SEC23A: variants seen among roughly 807,000 people sequenced by gnomAD.
SEC23A encodes SEC23 homolog A, COPII component.
Under a neutral mutation model 103.7 loss-of-function variants are expected in SEC23A, and 56 were observed. The ratio of observed to expected loss-of-function variants is 0.54; its 90% CI spans 0.44 to 0.67. The LOEUF (loss-of-function observed/expected upper bound fraction) is 0.67, where lower values mean the gene tolerates loss of function less well. Among genes scored for constraint, SEC23A ranks in the 30% least tolerant of loss-of-function variants. The probability of loss-of-function intolerance (pLI) is 0.00; values close to 1 mark genes in which losing one functional copy is unlikely to be tolerated. For missense variants in SEC23A, 784 were observed against 936.4 expected, an observed-to-expected ratio of 0.84 and a Z score of 2.12; for synonymous variants, 281 against 293.0, an observed-to-expected ratio of 0.96 and a Z score of 0.42.
At chr14:39,080,192 T>C (rs1350713767) in intron 7 of SEC23A, among the ~76,000 whole-genome samples, 2 of 151,904 alleles carry the variant, frequency 1.3e-5, no homozygotes, top group Non-Finnish European at 2.9e-5. Flanking sequence ...ATTGCAATTC[T>C]CCAAAAAGAT....
chr14:39,052,909 G>A (rs1465598924), intron 14 of SEC23A, among the ~76,000 whole-genome samples: 5 of 152,218 alleles, frequency 3.3e-5, no homozygotes, highest in African/African-American at 1.2e-4. Context: ...GCCAAGGCAG[G>A]TGGACCACCT....
chr14:39,097,984 G>A (rs1358810478), intron 1 of SEC23A, among the ~76,000 whole-genome samples: 1 of 152,058 alleles, frequency 6.6e-6, no homozygotes, highest in Non-Finnish European at 1.5e-5. Flanking sequence ...AGCTACTCAG[G>A]AGGCTGAGGC....
At position 39,055,156 on chromosome 14, in the gene SEC23A, T is replaced by G. The variant is rs1886198601; in HGVS notation, c.1646A>C (p.Gln549Pro). 6.2e-7 allele frequency: 1 copy of G among 1,614,216 alleles called. No homozygotes were observed. Among genetic ancestry groups the G allele is most frequent in the Non-Finnish European group, 8.5e-7 (1 of 1,180,030 alleles). ...GPDVLRWLDR[Q>P]LIRLCQKFGE... is the part of the protein sequence containing the mutation. ...TTTATTTCTTACCAGTCGAATGAGC[T>G]GTCTGTCCAGCCACCTAAGCACATC... Residue 549 changes from glutamine to proline, a missense_variant, in exon 14 of 20, where the codon CAG becomes CCG. Physicochemically the swap from Gln to Pro is moderately conservative, Grantham distance 76. Coordinates refer to ENST00000307712, the MANE Select transcript of SEC23A (RefSeq NM_006364.4).
intron 11 of SEC23A, among the ~76,000 whole-genome samples, chr14:39,064,189 A>G (rs1281626366): frequency 6.6e-6 from 1 of 152,084 alleles, no homozygotes; most frequent in African/African-American, 2.4e-5. Context: ...TCATAGATAT[A>G]GACAGACCTT....
intron 2 of SEC23A, among the ~76,000 whole-genome samples, 154 bp from the exon 3 acceptor site, chr14:39,093,398 T>C (rs1003338499): frequency 3.3e-5 from 5 of 152,260 alleles, no homozygotes; most frequent in Non-Finnish European, 5.9e-5. Flanking sequence ...TTTTAGATAC[T>C]GCCAATATCT....
chr14:39,083,068 T>C (rs1408755508), intron 7 of SEC23A, among the ~76,000 whole-genome samples: 1 of 152,196 alleles, frequency 6.6e-6, no homozygotes, highest in Non-Finnish European at 1.5e-5. Context: ...TAGTTTTATA[T>C]TGTGGTTATA....
At chr14:39,098,906 AAAAT>A (rs970403244) in intron 1 of SEC23A, among the ~76,000 whole-genome samples, 13 of 151,998 alleles carry the variant, frequency 8.6e-5, no homozygotes, top group Non-Finnish European at 1.9e-4. Flanking sequence ...ACAAAAAAAA[AAAAT>A]AAAATGCATC....
At chr14:39,071,731 G>A (rs1346373042) in intron 9 of SEC23A, among the ~76,000 whole-genome samples, 2 of 151,230 alleles carry the variant, frequency 1.3e-5, no homozygotes, top group African/African-American at 4.9e-5. Context: ...GTTGGGCGTG[G>A]TGGCAGGCGC....
intron 15 of SEC23A, among the ~76,000 whole-genome samples, chr14:39,046,140 G>A (rs951510843): frequency 1.3e-5 from 2 of 152,032 alleles, no homozygotes; most frequent in African/African-American, 2.4e-5. Flanking sequence ...CGCCATGATT[G>A]TGAGTCCTCC....
chr14:39,099,491 T>C (rs1281548942), intron 1 of SEC23A, among the ~76,000 whole-genome samples: 3 of 152,164 alleles, frequency 2.0e-5, no homozygotes, highest in East Asian at 3.8e-4. Context: ...CCTGCTACCA[T>C]AAGCTTGACA....
chr14:39,072,775 C>T (rs992587466), intron 9 of SEC23A, among the ~76,000 whole-genome samples: 7 of 152,014 alleles, frequency 4.6e-5, no homozygotes, highest in African/African-American at 1.2e-4. Context: ...GACTGCACCC[C>T]GCACTCCAGC....
chr14:39,047,212 G>T (rs1885869233), intron 15 of SEC23A, among the ~76,000 whole-genome samples: 1 of 152,204 alleles, frequency 6.6e-6, no homozygotes, highest in Admixed American at 6.5e-5. Context: ...GAAATGTCCA[G>T]ATCTCTCTGA....
intron 13 of SEC23A, among the ~76,000 whole-genome samples, chr14:39,059,310 A>AAAAC (rs10693539): frequency 9.5e-6 from 1 of 105,724 alleles, no homozygotes; most frequent in African/African-American, 3.6e-5. Flanking sequence ...AAAAAAAAAA[A>AAAAC]CAACAAGGTG....
chr14:39,091,086 T>C (rs1004757976), intron 5 of SEC23A: 2 of 414,118 alleles, frequency 4.8e-6, no homozygotes, highest in Admixed American at 3.2e-5. Flanking sequence ...ACATGGACTT[T>C]GGTCTTTTTG....
At chr14:39,074,152 G>T (rs1403018362) in intron 9 of SEC23A, among the ~76,000 whole-genome samples, 2 of 152,160 alleles carry the variant, frequency 1.3e-5, no homozygotes, top group African/African-American at 4.8e-5. Flanking sequence ...TCTCAAAAAT[G>T]CTGTTGAAGT....
intron 14 of SEC23A, 95 bp from the exon 15 acceptor site, chr14:39,048,824 T>C: frequency 2.8e-6 from 2 of 708,544 alleles, no homozygotes; most frequent in African/African-American, 1.8e-5. Context: ...TTACCAATCA[T>C]CAGGAAGCAG....
rs1408139788 is a variant in SEC23A, at chr14:39,075,973, C to T, written c.949G>A (p.Asp317Asn). The T allele has an allele frequency of 1.9e-6, 3 of 1,613,792 alleles. No individual in the cohort carries two copies. Among genetic ancestry groups the T allele is most frequent in the African/African-American group, 2.7e-5 (2 of 74,872 alleles). The change falls in exon 8 of 20, where the codon GAC (aspartate) becomes AAC (asparagine). Residue 317 changes from aspartate (D) to asparagine (N), a missense_variant. Physicochemically the swap from Asp to Asn is conservative, Grantham distance 23 (BLOSUM62 1). This residue lies in a region of SEC23A where 683 missense variants were observed against 774.2 expected (regional missense o/e 0.88). Transcript: ENST00000307712. ...TTAACATATTTGGCATTGTCTTTGT[C>T]AATGTCATGCCACGATCTTATAGGT... ...KTPIRSWHDI[D>N]KDNAKYVKKG...
intron 1 of SEC23A, among the ~76,000 whole-genome samples, chr14:39,101,445 C>T (rs1888091181): frequency 6.6e-6 from 1 of 151,696 alleles, no homozygotes; most frequent in Non-Finnish European, 1.5e-5. Flanking sequence ...TGGTTAAACC[C>T]CGTCTCTACT....
chr14:39,069,239 A>G (rs1344453473), intron 9 of SEC23A, among the ~76,000 whole-genome samples: 1 of 152,054 alleles, frequency 6.6e-6, no homozygotes, highest in East Asian at 1.9e-4. Flanking sequence ...ACATCCCTAT[A>G]CTCTACAAAT....
Sources: allele counts gnomAD v4.1 joint callset (sites outside exome capture counted in the v4.1 genomes callset), GRCh38; gene constraint gnomAD v4.1.1; regional missense constraint gnomAD v4.1.1; transcripts MANE v1.5; gene names NCBI Gene and HGNC (gene_info 2026-07-23, HGNC 2026-07-21).